CDK5RAP2: variants seen among roughly 807,000 people sequenced by gnomAD.
CDK5RAP2 encodes CDK5 regulatory subunit-associated protein 2.
CDK5RAP2 carries 147 observed loss-of-function variants against 232.9 expected under a neutral mutation model. The ratio of observed to expected loss-of-function variants is 0.63; its 90% CI spans 0.55 to 0.72. CDK5RAP2 has a LOEUF of 0.72. CDK5RAP2 is among the 30% of genes least tolerant of loss of function. The pLI, the probability that CDK5RAP2 is intolerant of heterozygous loss-of-function variation, is 0.00. For missense variants in CDK5RAP2, 2,195 were observed against 2,231.5 expected, an observed-to-expected ratio of 0.98 and a Z score of 0.33; for synonymous variants, 833 against 833.7, an observed-to-expected ratio of 1.00 and a Z score of 0.01.
chr9:120,389,734 GGC>G lies in CDK5RAP2; in HGVS notation c.5625+5_5625+6del. Reference sequence around the variant, plus strand: ...TGGCCTGCAGTGAAAAGACTCAAAGGGCATACCTCCAGGTTTCCTCTGGCCTT... The same window carrying G: ...TGGCCTGCAGTGAAAAGACTCAAAGGATACCTCCAGGTTTCCTCTGGCCTT... On this transcript the variant is annotated splice_donor_5th_base_variant and intron_variant, in intron 37 of 37. Coordinates refer to ENST00000349780, the MANE Select transcript of CDK5RAP2 (RefSeq NM_018249.6). 6.2e-7 allele frequency: 1 copy of G among 1,613,830 alleles called. No homozygotes were observed. Among genetic ancestry groups the G allele is most frequent in the South Asian group, 1.1e-5 (1 of 91,072 alleles).
chr9:120,432,817 G>C (rs1209660220), intron 25 of CDK5RAP2, among the ~76,000 whole-genome samples: 1 of 152,190 alleles, frequency 6.6e-6, no homozygotes, highest in East Asian at 1.9e-4. Flanking sequence ...CCCACTCTCA[G>C]CTCTCCACTT....
At chr9:120,443,519 G>A (rs2036015439) in intron 23 of CDK5RAP2, 101 bp downstream of exon 23, 5 of 1,300,560 alleles carry the variant, frequency 3.8e-6, no homozygotes, top group African/African-American at 1.5e-5. Context: ...ATAATGCCCT[G>A]AGAGGGCTGC....
chr9:120,520,696 C>T, intron 11 of CDK5RAP2, among the ~76,000 whole-genome samples: 1 of 117,366 alleles, frequency 8.5e-6, no homozygotes, highest in East Asian at 2.5e-4. Flanking sequence ...TGAGATATAT[C>T]ACACGATACA....
chr9:120,557,448 T>TG (rs1249276169), intron 3 of CDK5RAP2, among the ~76,000 whole-genome samples: 2 of 152,154 alleles, frequency 1.3e-5, no homozygotes, highest in Non-Finnish European at 2.9e-5. Context: ...GCAGAATAGA[T>TG]GGACAGACAC....
chr9:120,530,285 G>C, intron 7 of CDK5RAP2, 145 bp from the exon 8 acceptor site: 1 of 635,184 alleles, frequency 1.6e-6, no homozygotes, highest in Non-Finnish European at 2.7e-6. Flanking sequence ...TTGCAGGTAG[G>C]AGATTAAGCG....
At chr9:120,439,353 G>T in intron 24 of CDK5RAP2, 46 bp downstream of exon 24, 1 of 1,487,910 alleles carries the variant, frequency 6.7e-7, no homozygotes, top group Non-Finnish European at 9.4e-7. Flanking sequence ...TGGCAATACT[G>T]GGGGACTACA....
At chr9:120,576,131 T>C (rs1343963900) in intron 1 of CDK5RAP2, among the ~76,000 whole-genome samples, 1 of 152,238 alleles carries the variant, frequency 6.6e-6, no homozygotes, top group African/African-American at 2.4e-5. Flanking sequence ...AAAGGATGTG[T>C]ATTTACCCAA....
Position 120,484,848 on chromosome 9 carries a change from G to A in CDK5RAP2, c.1626+2446C>T, listed in dbSNP as rs1235749042. Among the ~76,000 whole-genome samples, 10 of 151,904 alleles carry A rather than the reference G, an allele frequency of 6.6e-5. No homozygotes were observed. In the South Asian group the frequency reaches 2.1e-3, roughly 32 times the overall value. ...GCTCAAGCAATCCTCTTGAGTAGCT[G>A]GGACTATAGGCGTGCACCACTGTGC... On this transcript the variant is annotated intron_variant, in intron 14 of 37. Transcript: ENST00000349780.
At chr9:120,455,348 C>A (rs1384077137) in intron 20 of CDK5RAP2, among the ~76,000 whole-genome samples, 1 of 137,688 alleles carries the variant, frequency 7.3e-6, no homozygotes, top group Admixed American at 7.9e-5. Context: ...AGGGAAGAAA[C>A]GAAGAGTCCT....
chr9:120,506,413 GC>G (rs2039814987), intron 12 of CDK5RAP2, among the ~76,000 whole-genome samples: 1 of 152,210 alleles, frequency 6.6e-6, no homozygotes, highest in South Asian at 2.1e-4. Context: ...TTGTTTTCAT[GC>G]CTGCTAACAC....
chr9:120,542,513 A>C (rs1212169072), intron 5 of CDK5RAP2, among the ~76,000 whole-genome samples: 1 of 150,208 alleles, frequency 6.7e-6, no homozygotes, highest in Non-Finnish European at 1.5e-5. Flanking sequence ...AAAAAAAAAG[A>C]GATGGGTACA....
At chr9:120,521,567 G>T (rs980868475) in intron 11 of CDK5RAP2, among the ~76,000 whole-genome samples, 10 of 151,594 alleles carry the variant, frequency 6.6e-5, no homozygotes, top group African/African-American at 1.9e-4. Flanking sequence ...ATGCGTCTTT[G>T]CTCCTCCTTT....
chr9:120,513,481 CA>C (rs896301218), intron 12 of CDK5RAP2, among the ~76,000 whole-genome samples: 98 of 152,196 alleles, frequency 6.4e-4, no homozygotes, highest in Admixed American at 4.1e-3. Context: ...CCCTTTACTG[CA>C]GCCCCAAACT....
intron 36 of CDK5RAP2, among the ~76,000 whole-genome samples, chr9:120,393,376 C>T (rs763164239): frequency 2.0e-5 from 3 of 152,232 alleles, no homozygotes; most frequent in Non-Finnish European, 4.4e-5. Context: ...GCAGTCCAAA[C>T]ACTGGCAGTC....
intron 23 of CDK5RAP2, among the ~76,000 whole-genome samples, chr9:120,441,092 G>C (rs2035871763): frequency 6.6e-6 from 1 of 152,228 alleles, no homozygotes; most frequent in African/African-American, 2.4e-5. Flanking sequence ...AAGAGCCTCA[G>C]TTTCCCCTGT....
intron 15 of CDK5RAP2, among the ~76,000 whole-genome samples, chr9:120,476,545 G>A (rs907962349): frequency 3.3e-5 from 5 of 152,158 alleles, no homozygotes; most frequent in African/African-American, 9.6e-5. Context: ...CGGGCGTGGT[G>A]GTATGTGCCT....
At chr9:120,456,573 T>G (rs1373014720) in intron 20 of CDK5RAP2, among the ~76,000 whole-genome samples, 3 of 152,224 alleles carry the variant, frequency 2.0e-5, no homozygotes, top group Non-Finnish European at 4.4e-5. Flanking sequence ...GTATGGTACA[T>G]TTTTCACCTC....
chr9:120,497,970 T>C (rs569503093), intron 12 of CDK5RAP2, among the ~76,000 whole-genome samples: 1 of 152,338 alleles, frequency 6.6e-6, no homozygotes, highest in South Asian at 2.1e-4. Flanking sequence ...ATAAAATCCC[T>C]TGTAGCTCTA....
intron 1 of CDK5RAP2, 104 bp downstream of exon 1, chr9:120,579,815 CT>C: frequency 1.1e-6 from 1 of 912,904 alleles, no homozygotes; most frequent in South Asian, 1.4e-5. Context: ...CACACTGCCC[CT>C]GGCCAGACAC....
Sources: allele counts gnomAD v4.1 joint callset (sites outside exome capture counted in the v4.1 genomes callset), GRCh38; gene constraint gnomAD v4.1.1; transcripts MANE v1.5; gene names NCBI Gene and HGNC (gene_info 2026-07-23, HGNC 2026-07-21).